Variants in ANKRD11 observed in about 807,000 individuals in gnomAD.
ANKRD11 encodes ankyrin repeat domain-containing protein 11.
Under a neutral mutation model 195.7 loss-of-function variants are expected in ANKRD11, and 17 were observed. That is an observed-to-expected ratio of 0.09 (90% CI 0.06 to 0.13). The LOEUF is 0.13. ANKRD11 is among the 10% of genes least tolerant of loss of function. The pLI, the probability that ANKRD11 is intolerant of heterozygous loss-of-function variation, is 1.00. For missense variants in ANKRD11, 3,735 were observed against 3,566.1 expected (o/e 1.05, Z -1.21); for synonymous variants, 1,953 against 1,528.1 (o/e 1.28, Z -6.49).
chr16:89,465,003 T>C (rs553702501), intron 1 of ANKRD11, among the ~76,000 whole-genome samples: 2 of 152,248 alleles, frequency 1.3e-5, no homozygotes, highest in Non-Finnish European at 2.9e-5. Context: ...AGGTTTATAT[T>C]TATACCTGGT....
rs1199994764 is a variant in ANKRD11, at chr16:89,432,276, CA to C, written c.-144-13909del. 3.2e-3 allele frequency among the ~76,000 whole-genome samples: 474 copies of C among 149,322 alleles called. 2 individuals carry two copies. Among genetic ancestry groups the C allele is most frequent in the African/African-American group, 5.2e-3 (208 of 40,206 alleles). On this transcript the variant is annotated intron_variant, in intron 1 of 12. Coordinates refer to ENST00000301030, the MANE Select transcript of ANKRD11 (RefSeq NM_013275.6). ...ACACACACACACACACACACACACA[CA>C]CCCCTGGAAAATAAAAGCTTCACAG...
chr16:89,368,644 A>C (rs1357155397), intron 2 of ANKRD11, among the ~76,000 whole-genome samples: 1 of 150,690 alleles, frequency 6.6e-6, no homozygotes, highest in Non-Finnish European at 1.5e-5. Context: ...GCCATGGCTC[A>C]CATCTGTAAT....
chr16:89,431,187 A>G (rs2042961832), intron 1 of ANKRD11: 2 of 152,282 alleles, frequency 1.3e-5, no homozygotes, highest in African/African-American at 4.8e-5. Context: ...CAGCAAAGGC[A>G]AAGTACAGAA....
At chr16:89,315,551 T>C (rs1046246502) in intron 3 of ANKRD11, among the ~76,000 whole-genome samples, 1 of 152,220 alleles carries the variant, frequency 6.6e-6, no homozygotes, top group Non-Finnish European at 1.5e-5. Flanking sequence ...TCCCCGCCTG[T>C]GAGCTCGGCG....
intron 2 of ANKRD11, among the ~76,000 whole-genome samples, chr16:89,388,840 CA>C (rs2041047091): frequency 6.6e-6 from 1 of 152,162 alleles, no homozygotes; most frequent in African/African-American, 2.4e-5. Context: ...ATGATGAACC[CA>C]AAACTGAACC....
chr16:89,313,311 G>A (rs767043161), intron 3 of ANKRD11: 3 of 1,287,060 alleles, frequency 2.3e-6, no homozygotes, highest in Non-Finnish European at 3.0e-6. Flanking sequence ...CTGTAGCCCT[G>A]CACACCTTTG....
At chr16:89,300,632 C>T in intron 4 of ANKRD11, 1 of 495,914 alleles carries the variant, frequency 2.0e-6, no homozygotes, top group Non-Finnish European at 3.5e-6. Context: ...CTAAGTCTGT[C>T]TTCCCTCCAG....
chr16:89,298,583 C>G (rs1272446751), intron 4 of ANKRD11, among the ~76,000 whole-genome samples: 1 of 152,256 alleles, frequency 6.6e-6, no homozygotes, highest in Non-Finnish European at 1.5e-5. Flanking sequence ...CAGCCACCAC[C>G]TTTATCCTGA....
chr16:89,322,352 G>T (rs763506232), intron 2 of ANKRD11, among the ~76,000 whole-genome samples: 1 of 152,182 alleles, frequency 6.6e-6, no homozygotes, highest in Non-Finnish European at 1.5e-5. Context: ...CTTTACGTAC[G>T]TCCTGGGCAA....
chr16:89,441,629 T>C (rs1015481874), intron 1 of ANKRD11, among the ~76,000 whole-genome samples: 6 of 151,458 alleles, frequency 4.0e-5, no homozygotes, highest in African/African-American at 9.7e-5. Flanking sequence ...TAGCTGGGTG[T>C]GGTGGTGGGC....
chr16:89,421,934 G>C lies in ANKRD11; in HGVS notation c.-144-3566C>G, dbSNP rs77664881. ...ACCTATGGAAATGGCAACAGGACAAGATGATAACCCAGGTGCTAAGGAGTC... is the reference window on the plus strand; with the variant it reads ...ACCTATGGAAATGGCAACAGGACAACATGATAACCCAGGTGCTAAGGAGTC... On this transcript the variant is annotated intron_variant, in intron 1 of 12. Transcript: ENST00000301030. Among the ~76,000 whole-genome samples, 976 of 152,288 alleles carry C rather than the reference G, an allele frequency of 6.4e-3. 9 individuals carry two copies. The highest frequency in any genetic ancestry group is 0.022 in the African/African-American group (928 of 41,536).
intron 2 of ANKRD11, among the ~76,000 whole-genome samples, chr16:89,394,223 G>A (rs983992287): frequency 4.6e-5 from 7 of 152,318 alleles, no homozygotes; most frequent in South Asian, 2.1e-4. Flanking sequence ...ACATGGGCAC[G>A]TTCTGGGACT....
intron 2 of ANKRD11, among the ~76,000 whole-genome samples, chr16:89,347,939 T>C (rs1010175653): frequency 1.3e-5 from 2 of 151,918 alleles, no homozygotes; most frequent in Non-Finnish European, 2.9e-5. Flanking sequence ...TATGGGATTT[T>C]GTCTTTTTTT....
chr16:89,290,032 A>G (rs1231696325), intron 6 of ANKRD11, among the ~76,000 whole-genome samples: 1 of 152,250 alleles, frequency 6.6e-6, no homozygotes, highest in African/African-American at 2.4e-5. Flanking sequence ...CCTATCTAAA[A>G]ATAAAAATAA....
rs150993314 is a variant in ANKRD11 at position 89,318,829 on chromosome 16, G to C, written c.-59-1751C>G. 5.1e-3 allele frequency among the ~76,000 whole-genome samples: 778 copies of C among 152,318 alleles called. 5 individuals carry two copies. The highest frequency in any genetic ancestry group is 0.018 in the African/African-American group (750 of 41,566). ...GGTCGGGTCAACGTATTCACTGCCT[G>C]ACACCTCCACCCGCGGTGCAGGTGA... On this transcript the variant is annotated intron_variant, in intron 2 of 12. Coordinates refer to ENST00000301030, the MANE Select transcript of ANKRD11 (RefSeq NM_013275.6).
chr16:89,288,697 T>G, intron 6 of ANKRD11, 27 bp from the exon 7 acceptor site: 1 of 1,613,626 alleles, frequency 6.2e-7, no homozygotes, highest in Non-Finnish European at 8.5e-7. Flanking sequence ...AGGACGTACG[T>G]TATTTAATCC....
At chr16:89,420,190 A>G (rs990428919) in intron 1 of ANKRD11, 2 of 152,262 alleles carry the variant, frequency 1.3e-5, no homozygotes, top group African/African-American at 4.8e-5. Flanking sequence ...GCTTTCCGTA[A>G]AAGAGCTCAG....
intron 2 of ANKRD11, among the ~76,000 whole-genome samples, chr16:89,334,936 C>G (rs1183920690): frequency 1.3e-5 from 2 of 152,048 alleles, no homozygotes; most frequent in Non-Finnish European, 2.9e-5. Context: ...TGCTGGGGGC[C>G]AGGCAGACAG....
At position 89,313,406 on chromosome 16, in the gene ANKRD11, G is replaced by A. The variant is rs2036730198; in HGVS notation, c.87+3527C>T. The A allele has an allele frequency of 3.1e-6, 4 of 1,288,856 alleles. No homozygotes were observed. The Middle Eastern group carries it at 6.8e-4, about 218-fold the overall frequency. 79.8% of individuals were successfully genotyped at this position (1,288,856 alleles called of 1,614,324 possible). ...TTCTGGGATTCCGTGGTCGGCAATG[G>A]TGAGAGACCGTCTGCAGAAGGGGCC... On this transcript the variant is annotated intron_variant, in intron 3 of 12. Transcript: ENST00000301030.
Sources: allele counts gnomAD v4.1 joint callset (sites outside exome capture counted in the v4.1 genomes callset), GRCh38; gene constraint gnomAD v4.1.1; transcripts MANE v1.5; gene names NCBI Gene and HGNC (gene_info 2026-07-23, HGNC 2026-07-21).